The following NIBAN1 variants were observed in gnomAD, a reference collection of about 807,000 sequenced individuals.
NIBAN1 encodes the protein protein Niban 1.
Under a neutral mutation model 75.1 loss-of-function variants are expected in NIBAN1, and 81 were observed. That is an observed-to-expected ratio of 1.08 (90% confidence interval 0.90 to 1.30). The LOEUF (loss-of-function observed/expected upper bound fraction) is 1.30, where lower values mean the gene tolerates loss of function less well. NIBAN1 is among the 50% of genes most tolerant of loss of function. NIBAN1 has a pLI of 0.00. For synonymous variants in NIBAN1, 436 were observed against 424.8 expected (o/e 1.03, Z -0.32); for missense variants, 1,133 against 1,128.1 (o/e 1.00, Z -0.06).
intron 1 of NIBAN1, among the ~76,000 whole-genome samples, chr1:184,963,649 A>T (rs1477489368): frequency 6.6e-6 from 1 of 152,220 alleles, no homozygotes; most frequent in Non-Finnish European, 1.5e-5. Flanking sequence ...AGAAAAGAAG[A>T]ACACAATCCC....
chr1:184,860,283 G>T (rs1016070352), intron 5 of NIBAN1, among the ~76,000 whole-genome samples: 1 of 142,194 alleles, frequency 7.0e-6, no homozygotes, highest in South Asian at 2.5e-4. Flanking sequence ...GGGGCGGGGG[G>T]CCAGGGAGAC....
chr1:184,833,244 T>C (rs1227615402), intron 5 of NIBAN1, among the ~76,000 whole-genome samples: 1 of 149,786 alleles, frequency 6.7e-6, no homozygotes, highest in Non-Finnish European at 1.5e-5. Context: ...AAGGTAACAA[T>C]CAATTAATAG....
At chr1:184,798,220 T>A (rs767913266) in intron 12 of NIBAN1, 30 bp from the exon 13 acceptor site, 3 of 1,423,780 alleles carry the variant, frequency 2.1e-6, no homozygotes, top group Non-Finnish European at 2.9e-6. Flanking sequence ...AAGATAAAGA[T>A]GAAAAGGCAT....
intron 1 of NIBAN1, among the ~76,000 whole-genome samples, chr1:184,928,546 G>T (rs1437750443): frequency 6.6e-6 from 1 of 152,184 alleles, no homozygotes; most frequent in African/African-American, 2.4e-5. Context: ...GCTAGGGCTT[G>T]TTTAAATACT....
intron 9 of NIBAN1, among the ~76,000 whole-genome samples, chr1:184,809,061 G>A (rs1390483792): frequency 2.0e-5 from 3 of 152,178 alleles, no homozygotes; most frequent in South Asian, 4.1e-4. Flanking sequence ...GAAAATGGAG[G>A]CTCTAGAGAG....
intron 8 of NIBAN1, among the ~76,000 whole-genome samples, chr1:184,821,675 C>T (rs1654707149): frequency 6.6e-6 from 1 of 152,146 alleles, no homozygotes; most frequent in Admixed American, 6.5e-5. Flanking sequence ...AACTTAGCTC[C>T]AGATAGCAGA....
chr1:184,843,465 G>C (rs548695583), intron 5 of NIBAN1, among the ~76,000 whole-genome samples: 1 of 152,202 alleles, frequency 6.6e-6, no homozygotes, highest in South Asian at 2.1e-4. Context: ...AAAAAAGAGA[G>C]AATATTTGCT....
chr1:184,921,029 T>G (rs1254223963), intron 1 of NIBAN1, among the ~76,000 whole-genome samples: 1 of 150,954 alleles, frequency 6.6e-6, no homozygotes, highest in African/African-American at 2.4e-5. Flanking sequence ...CTCAGGAGGC[T>G]GAGGCAGGAG....
chr1:184,968,209 C>CAAAAAAAAAAAAA (rs1176738165), intron 1 of NIBAN1, among the ~76,000 whole-genome samples: 3 of 8,800 alleles, frequency 3.4e-4, no homozygotes, highest in Admixed American at 9.2e-4. Flanking sequence ...GACTCCGTCT[C>CAAAAAAAAAAAAA]AAAAAAAAAA....
At position 184,795,426 on chromosome 1, in the gene NIBAN1, C is replaced by A. The variant is rs761520308; in HGVS notation, c.2338G>T (p.Ala780Ser). 2.9e-5 allele frequency: 47 copies of A among 1,606,960 alleles called. No individual in the cohort carries two copies. The highest frequency in any genetic ancestry group is 3.6e-5 in the Non-Finnish European group (42 of 1,176,672). ...EREAQPPCPE[A>S]HGEELGGFPE... The stretch of plus-strand genomic sequence containing the variant: ...AATCCCCCCAACTCCTCCCCATGGG[C>A]CTCGGGACAGGGAGGTTGGGCCTCC... The change falls in exon 14 of 14, where the codon GCC (alanine) becomes TCC (serine). Residue 780 changes from alanine (A) to serine (S), a missense_variant. Transcript: ENST00000367511.
At chr1:184,822,311 C>G (rs1397396869) in intron 8 of NIBAN1, among the ~76,000 whole-genome samples, 1 of 152,150 alleles carries the variant, frequency 6.6e-6, no homozygotes, top group Non-Finnish European at 1.5e-5. Flanking sequence ...TAGAGGCCAT[C>G]TAAGGTCTCT....
At chr1:184,903,950 G>A (rs530273116) in intron 1 of NIBAN1, among the ~76,000 whole-genome samples, 1 of 151,246 alleles carries the variant, frequency 6.6e-6, no homozygotes, top group South Asian at 2.1e-4. Context: ...AGGCTGTAGT[G>A]CAGTGGTGCC....
At chr1:184,816,081 G>A (rs899260259) in intron 9 of NIBAN1, among the ~76,000 whole-genome samples, 1 of 152,214 alleles carries the variant, frequency 6.6e-6, no homozygotes, top group Non-Finnish European at 1.5e-5. Context: ...AAATCCAGCT[G>A]TAGGGGATTA....
In NIBAN1 at chr1:184,955,947, GCA is replaced by G. The variant is rs549287278; in HGVS notation, c.55+18353_55+18354del. 2.2e-3 allele frequency among the ~76,000 whole-genome samples: 339 copies of G among 152,094 alleles called. 1 individual carries two copies. Among genetic ancestry groups the G allele is most frequent in the African/African-American group, 7.5e-3 (312 of 41,486 alleles). On this transcript the variant is annotated intron_variant, in intron 1 of 13. Coordinates refer to ENST00000367511, the MANE Select transcript of NIBAN1 (RefSeq NM_052966.4). ...TATCTGCCCTTATCTGCAGATGTAT[GCA>G]CAGTGTCCACTTAGTGTCTTTGTGG...
At chr1:184,864,816 G>A (rs1479249684) in intron 5 of NIBAN1, among the ~76,000 whole-genome samples, 1 of 150,356 alleles carries the variant, frequency 6.7e-6, no homozygotes, top group Admixed American at 6.6e-5. Flanking sequence ...ACATACAAAC[G>A]GCCAACAAAC....
Position 184,798,123 on chromosome 1 carries a change from T to A in NIBAN1, c.1622A>T (p.Tyr541Phe), listed in dbSNP as rs373027349. The A allele has an allele frequency of 2.5e-6, 4 of 1,612,260 alleles. No homozygotes were observed. ...HTNMIHVENV[Y>F]EEILHQILLD... ...CAGGATCTGATGTAAAATCTCCTCA[T>A]AGACATTTTCAACGTGAATCATATT... Residue 541 changes from tyrosine (Y) to phenylalanine (F), a missense_variant, in exon 13 of 14, where the codon TAT becomes TTT. By Grantham distance (22) the Tyr-to-Phe change is conservative. Transcript: ENST00000367511.
chr1:184,811,984 G>T (rs763411763), intron 9 of NIBAN1, among the ~76,000 whole-genome samples: 2 of 152,098 alleles, frequency 1.3e-5, no homozygotes, highest in Non-Finnish European at 2.9e-5. Flanking sequence ...CCTCCCTCCC[G>T]GAAAAGGGAG....
intron 5 of NIBAN1, among the ~76,000 whole-genome samples, chr1:184,875,413 G>A (rs1656205989): frequency 6.6e-6 from 1 of 152,188 alleles, no homozygotes; most frequent in African/African-American, 2.4e-5. Context: ...TTGAAGGTTT[G>A]ACAGAATAGA....
At chr1:184,822,951 A>G (rs1485711552) in intron 8 of NIBAN1, among the ~76,000 whole-genome samples, 1 of 151,844 alleles carries the variant, frequency 6.6e-6, no homozygotes, top group Non-Finnish European at 1.5e-5. Context: ...GCCAAAGGCA[A>G]GAAACAAACT....
Sources: gnomAD v4.1 joint callset for allele counts (sites outside exome capture counted in the v4.1 genomes callset) on GRCh38, gnomAD v4.1.1 for gene constraint, MANE v1.5 for transcripts, NCBI Gene and HGNC (gene_info 2026-07-23, HGNC 2026-07-21) for gene names.